PTP4A1: variants seen among roughly 807,000 people sequenced by gnomAD.
The protein encoded by PTP4A1 is protein tyrosine phosphatase type IVA 1.
Under a neutral mutation model 20.5 loss-of-function variants are expected in PTP4A1, and 9 were observed. That is an observed-to-expected ratio of 0.44 (90% CI 0.26 to 0.77). The LOEUF is 0.77. Ranked by LOEUF, PTP4A1 falls within the 30% of genes least tolerant of loss-of-function variation. The probability of loss-of-function intolerance (pLI) is 0.19; values close to 1 mark genes in which losing one functional copy is unlikely to be tolerated. For missense variants in PTP4A1, 137 were observed against 218.8 expected (o/e 0.63, Z 2.36); for synonymous variants, 78 against 67.4 (o/e 1.16, Z -0.77).
intron 1 of PTP4A1, among the ~76,000 whole-genome samples, chr6:63,526,186 A>C (rs1286253027): frequency 1.3e-5 from 2 of 152,012 alleles, no homozygotes; most frequent in Non-Finnish European, 2.9e-5. Context: ...TTAGCTGGGC[A>C]TGGTGGTGGA....
chr6:63,578,390 G>C, intron 2 of PTP4A1, 47 bp from the exon 3 acceptor site: 1 of 1,569,390 alleles, frequency 6.4e-7, no homozygotes, highest in South Asian at 1.2e-5. Context: ...TTGAGTTATA[G>C]TGATGTGGTT....
upstream of PTP4A1, among the ~76,000 whole-genome samples, chr6:63,517,695 A>G (rs1461771423): frequency 6.6e-6 from 1 of 152,188 alleles, no homozygotes; most frequent in African/African-American, 2.4e-5. Flanking sequence ...GAAATTGTCA[A>G]TAATGATCTA....
chr6:63,520,222 A>G (rs865900366), upstream of PTP4A1, among the ~76,000 whole-genome samples: 3 of 152,332 alleles, frequency 2.0e-5, no homozygotes, highest in Middle Eastern at 0.01. Flanking sequence ...ATATTTTCCC[A>G]TTAGACATTT....
At chr6:63,538,211 A>G (rs1379069531) in intron 2 of PTP4A1, among the ~76,000 whole-genome samples, 2 of 152,230 alleles carry the variant, frequency 1.3e-5, no homozygotes, top group African/African-American at 2.4e-5. Flanking sequence ...AGGTTGTTCA[A>G]AAGGAAATGT....
chr6:63,532,301 T>A (rs796305648), intron 2 of PTP4A1, among the ~76,000 whole-genome samples: 24 of 152,306 alleles, frequency 1.6e-4, no homozygotes, highest in African/African-American at 5.8e-4. Context: ...TTTTGGTAAA[T>A]CTCTATTAAG....
intron 3 of PTP4A1, among the ~76,000 whole-genome samples, chr6:63,558,276 G>C (rs1261950154): frequency 6.6e-6 from 1 of 152,054 alleles, no homozygotes; most frequent in Non-Finnish European, 1.5e-5. Flanking sequence ...AAGTAAAAGG[G>C]GGAAGGAGGG....
chr6:63,564,275 CA>C (rs35998260), intron 3 of PTP4A1, among the ~76,000 whole-genome samples: 18,814 of 95,516 alleles, frequency 0.2, 1,364 homozygotes, highest in African/African-American at 0.32. Context: ...GACTCTGTCT[CA>C]AAAAAAAAAA....
At chr6:63,553,236 T>C (rs1053469864) in intron 3 of PTP4A1, among the ~76,000 whole-genome samples, 3 of 152,216 alleles carry the variant, frequency 2.0e-5, no homozygotes, top group Non-Finnish European at 2.9e-5. Flanking sequence ...AATCTGTTGA[T>C]GATGTCAAAG....
chr6:63,518,501 T>C (rs1470249020), upstream of PTP4A1, among the ~76,000 whole-genome samples: 1 of 152,188 alleles, frequency 6.6e-6, no homozygotes, highest in East Asian at 1.9e-4. Flanking sequence ...GTCCACCTAA[T>C]CAGAATTCCT....
chr6:63,559,047 G>C (rs769189554), intron 3 of PTP4A1, among the ~76,000 whole-genome samples: 21 of 152,210 alleles, frequency 1.4e-4, no homozygotes, highest in Non-Finnish European at 2.9e-4. Flanking sequence ...GAGAAGGATA[G>C]ATCATTTTGC....
intron 2 of PTP4A1, among the ~76,000 whole-genome samples, chr6:63,534,887 A>G (rs1468033762): frequency 6.7e-6 from 1 of 149,630 alleles, no homozygotes. Flanking sequence ...ACATGGTGAA[A>G]TTTCTTTACT....
upstream of PTP4A1, chr6:63,571,328 A>T (rs1425449661): frequency 1.3e-5 from 2 of 152,244 alleles, no homozygotes; most frequent in Non-Finnish European, 2.9e-5. Flanking sequence ...ATACTCGGTG[A>T]AAATAACAAA....
chr6:63,551,323 C>T (rs1776431737), intron 3 of PTP4A1, among the ~76,000 whole-genome samples: 2 of 152,134 alleles, frequency 1.3e-5, no homozygotes, highest in Admixed American at 1.3e-4. Context: ...GTCTTGGCCT[C>T]CTAAAGTGCT....
intron 2 of PTP4A1, among the ~76,000 whole-genome samples, chr6:63,546,434 G>A (rs937405468): frequency 2.6e-5 from 4 of 152,192 alleles, no homozygotes; most frequent in Admixed American, 6.5e-5. Flanking sequence ...GGCCGGGTGC[G>A]GTGGCTCACG....
rs1290345892 is a variant in PTP4A1 at position 63,531,266 on chromosome 6, G to T, written c.-640+3182G>T. Among the ~76,000 whole-genome samples, 10 of 152,058 alleles carry T rather than the reference G, an allele frequency of 6.6e-5. No homozygotes were observed. In the East Asian group the frequency reaches 1.7e-3, roughly 26 times the overall value. ...TAATCACAGACTAAGAAGAGGATTT[G>T]GTTTAATTAGTGGGGAATAGATGGA... On this transcript the variant is annotated intron_variant, in intron 2 of 3. Coordinates refer to the PTP4A1 transcript ENST00000639568.
chr6:63,534,468 C>CAA (rs1230988556), intron 2 of PTP4A1, among the ~76,000 whole-genome samples: 1 of 151,504 alleles, frequency 6.6e-6, no homozygotes, highest in Non-Finnish European at 1.5e-5. Flanking sequence ...CACACACACA[C>CAA]ACACACACAC....
intron 2 of PTP4A1, among the ~76,000 whole-genome samples, chr6:63,547,498 ATTT>A (rs752223359): frequency 6.6e-5 from 6 of 90,780 alleles, no homozygotes; most frequent in Middle Eastern, 0.01. Context: ...CCAGGGGGGA[ATTT>A]TTTTTTTTTT....
At chr6:63,537,030 T>A (rs919853903) in intron 2 of PTP4A1, among the ~76,000 whole-genome samples, 7 of 152,126 alleles carry the variant, frequency 4.6e-5, no homozygotes, top group African/African-American at 1.7e-4. Flanking sequence ...GTTAAATAGT[T>A]TTAAAATTAA....
chr6:63,525,560 A>T (rs1775124872), intron 1 of PTP4A1, among the ~76,000 whole-genome samples: 1 of 152,166 alleles, frequency 6.6e-6, no homozygotes, highest in African/African-American at 2.4e-5. Flanking sequence ...ATCTTCTGAA[A>T]TCTGGGTTCC....
Sources: gnomAD v4.1 joint callset for allele counts (sites outside exome capture counted in the v4.1 genomes callset) on GRCh38, gnomAD v4.1.1 for gene constraint, MANE v1.5 for transcripts, NCBI Gene and HGNC (gene_info 2026-07-23, HGNC 2026-07-21) for gene names.